Variants in RFT1 observed in about 807,000 individuals in gnomAD.
RFT1 encodes the protein RFT1 glycolipid translocator homolog.
A neutral mutation model predicts 62.2 loss-of-function variants in RFT1; 43 were observed. That is an observed-to-expected ratio of 0.69 (90% CI 0.54 to 0.89). RFT1 has a LOEUF of 0.89. RFT1 is among the 40% of genes least tolerant of loss of function. RFT1 has a pLI of 0.00. For synonymous variants in RFT1, 262 were observed against 264.6 expected (o/e 0.99, Z 0.10); for missense variants, 605 against 649.9 (o/e 0.93, Z 0.75).
At chr3:53,107,287 C>T (rs1159603868) in intron 7 of RFT1, among the ~76,000 whole-genome samples, 1 of 152,036 alleles carries the variant, frequency 6.6e-6, no homozygotes, top group African/African-American at 2.4e-5. Flanking sequence ...AGGCGCCCGC[C>T]ACCGCACCCG....
At chr3:53,070,133 AG>A in the RFT1 span, among the ~76,000 whole-genome samples, 1 of 152,120 alleles carries the variant, frequency 6.6e-6, no homozygotes, top group African/African-American at 2.4e-5. Flanking sequence ...GGAGAAAATA[AG>A]TCTGGGTGTG....
chr3:53,125,387 G>A (rs1474040793), intron 2 of RFT1, among the ~76,000 whole-genome samples: 1 of 152,196 alleles, frequency 6.6e-6, no homozygotes, highest in African/African-American at 2.4e-5. Context: ...GAGTCTAAAA[G>A]ACAAAGAAGT....
intron 7 of RFT1, among the ~76,000 whole-genome samples, chr3:53,109,708 T>C (rs886286795): frequency 6.6e-6 from 1 of 151,996 alleles, no homozygotes; most frequent in Non-Finnish European, 1.5e-5. Flanking sequence ...CCCAGCTACT[T>C]GGGAGGCTGA....
intron 9 of RFT1, among the ~76,000 whole-genome samples, chr3:53,104,540 T>C (rs1701410312): frequency 6.6e-6 from 1 of 152,226 alleles, no homozygotes; most frequent in Non-Finnish European, 1.5e-5. Flanking sequence ...CTAATATTTA[T>C]TCTTAAATGT....
At chr3:53,081,410 C>T in the RFT1 span, among the ~76,000 whole-genome samples, 1 of 152,104 alleles carries the variant, frequency 6.6e-6, no homozygotes, top group Non-Finnish European at 1.5e-5. Flanking sequence ...GAGAGAACTA[C>T]CTCGGCACGG....
chr3:53,109,579 G>A (rs1701589340), intron 7 of RFT1, among the ~76,000 whole-genome samples: 2 of 152,188 alleles, frequency 1.3e-5, no homozygotes, highest in South Asian at 4.1e-4. Flanking sequence ...GGAGGCCGAG[G>A]CAGGAGGATC....
chr3:53,073,482 CCAGT>C, the RFT1 span, among the ~76,000 whole-genome samples: 1,927 of 152,356 alleles, frequency 0.013, 114 homozygotes, highest in South Asian at 0.17. Flanking sequence ...AAGTGTGTGG[CCAGT>C]CAGATAAAGC....
chr3:53,108,182 G>T (rs918952506), intron 7 of RFT1, among the ~76,000 whole-genome samples: 1 of 151,940 alleles, frequency 6.6e-6, no homozygotes, highest in African/African-American at 2.4e-5. Flanking sequence ...CTGAGTAGCT[G>T]GGATTACAGG....
At chr3:53,083,686 T>G (rs1475383279), downstream of RFT1, among the ~76,000 whole-genome samples, 1 of 152,178 alleles carries the variant, frequency 6.6e-6, no homozygotes, top group East Asian at 1.9e-4. Context: ...AAGTCACCAC[T>G]GTGCTTGGGC....
chr3:53,074,707 G>T, the RFT1 span, among the ~76,000 whole-genome samples: 1 of 152,170 alleles, frequency 6.6e-6, no homozygotes, highest in Non-Finnish European at 1.5e-5. Context: ...AGAAGTATCA[G>T]CTTTGCTTGG....
At chr3:53,070,068 A>G in the RFT1 span, among the ~76,000 whole-genome samples, 179 of 152,198 alleles carry the variant, frequency 1.2e-3, 1 homozygote, top group African/African-American at 3.8e-3. Flanking sequence ...GGCTTCCCCC[A>G]TCTCCCACCT....
chr3:53,130,392 G>A lies in RFT1; in HGVS notation c.9C>T (p.Ser3=). The part of the protein sequence containing the change: MG[S]QEVLGHAARL... ...GGGCCGCGTGGCCCAGCACCTCCTG[G>A]CTGCCCATAGCCTCCGCGCCAGGCT... Residue 3 remains serine (S), a synonymous_variant, in exon 1 of 13, where the codon AGC becomes AGT. Coordinates refer to ENST00000296292, the MANE Select transcript of RFT1 (RefSeq NM_052859.4). The A allele has an allele frequency of 3.9e-6, 6 of 1,554,992 alleles. No individual in the cohort carries two copies. The highest frequency in any genetic ancestry group is 3.6e-5 in the South Asian group (3 of 84,336).
chr3:53,113,122 C>G (rs540524034), intron 6 of RFT1, among the ~76,000 whole-genome samples: 1 of 152,302 alleles, frequency 6.6e-6, no homozygotes, highest in East Asian at 1.9e-4. Flanking sequence ...CTCAAGCCAT[C>G]TTCCCCCCTC....
At chr3:53,087,302 C>T (rs1234464771), downstream of RFT1, among the ~76,000 whole-genome samples, 1 of 152,122 alleles carries the variant, frequency 6.6e-6, no homozygotes, top group Non-Finnish European at 1.5e-5. Context: ...GTCCCCACCC[C>T]GTTTTCAGCC....
intron 10 of RFT1, 54 bp downstream of exon 10, chr3:53,103,899 T>C: frequency 2.5e-6 from 4 of 1,607,226 alleles, no homozygotes; most frequent in Non-Finnish European, 3.4e-6. Flanking sequence ...ATTTCGTGAC[T>C]CTTCTATTTA....
At chr3:53,067,635 C>T in the RFT1 span, among the ~76,000 whole-genome samples, 3 of 152,030 alleles carry the variant, frequency 2.0e-5, no homozygotes, top group Admixed American at 6.6e-5. Flanking sequence ...TGTAGTGTAC[C>T]GAATGTAAGT....
chr3:53,084,264 C>T (rs1035168026), downstream of RFT1, among the ~76,000 whole-genome samples: 1 of 152,212 alleles, frequency 6.6e-6, no homozygotes, highest in Non-Finnish European at 1.5e-5. Context: ...CAAAAGCCTT[C>T]TGAAAGAGGT....
At chr3:53,097,088 G>C (rs1037547043) in intron 11 of RFT1, among the ~76,000 whole-genome samples, 3 of 152,170 alleles carry the variant, frequency 2.0e-5, no homozygotes, top group Non-Finnish European at 4.4e-5. Context: ...TTAACCTTAA[G>C]TTGGTTAAGT....
At chr3:53,071,584 G>A in the RFT1 span, among the ~76,000 whole-genome samples, 11 of 152,160 alleles carry the variant, frequency 7.2e-5, no homozygotes, top group Non-Finnish European at 4.4e-5. Flanking sequence ...AGCCCTTGAC[G>A]GGCCCAGCAG....
Sources: gnomAD v4.1 joint callset for allele counts (sites outside exome capture counted in the v4.1 genomes callset) on GRCh38, gnomAD v4.1.1 for gene constraint, MANE v1.5 for transcripts, NCBI Gene and HGNC (gene_info 2026-07-23, HGNC 2026-07-21) for gene names.